Variants in ZNF575 observed in about 807,000 individuals in gnomAD.
ZNF575 encodes zinc finger protein 575.
A neutral mutation model predicts 17.5 loss-of-function variants in ZNF575; 17 were observed. That is an observed-to-expected ratio of 0.97 (90% CI 0.66 to 1.45). The LOEUF (loss-of-function observed/expected upper bound fraction) is 1.45, where lower values mean the gene tolerates loss of function less well. ZNF575 is among the 40% of genes most tolerant of loss of function. ZNF575 has a pLI of 0.00. For synonymous variants in ZNF575, 146 were observed against 158.3 expected (o/e 0.92, Z 0.58); for missense variants, 352 against 359.2 (o/e 0.98, Z 0.16).
Position 43,535,844 on chromosome 19 carries a change from G to A in ZNF575, c.*157G>A. On this transcript the variant is annotated 3_prime_UTR_variant, in exon 4 of 4. Transcript: ENST00000314228. The stretch of plus-strand genomic sequence containing the variant: ...ATACTGGGCTCGAGCTCAGAAGCCC[G>A]AGGAACTCTTTGCTCCCCTGCTTTG... The A allele has an allele frequency of 2.4e-6, 2 of 832,230 alleles. No individual in the cohort carries two copies. Among genetic ancestry groups the A allele is most frequent in the Admixed American group, 2.9e-5 (1 of 34,208 alleles). 51.6% of individuals were successfully genotyped at this position (832,230 alleles called of 1,614,324 possible). A position where few individuals can be genotyped will look rare whatever the true frequency, so the allele number is the denominator to read the frequency against.
At chr19:43,534,783 C>G (rs1972390817) in intron 3 of ZNF575, among the ~76,000 whole-genome samples, 1 of 152,030 alleles carries the variant, frequency 6.6e-6, no homozygotes, top group Non-Finnish European at 1.5e-5. Context: ...AAACGGATAC[C>G]TTGGTAGCTT....
chr19:43,534,933 G>A, intron 3 of ZNF575, 96 bp from the exon 4 acceptor site: 2 of 1,201,768 alleles, frequency 1.7e-6, no homozygotes, highest in South Asian at 3.8e-5. Flanking sequence ...AGGTACACTT[G>A]GAGGAGCCCC....
In ZNF575 at chr19:43,535,789, G is replaced by A; in HGVS notation, c.*102G>A. ...TGAGCTCGCCTCTTCCAGATAGCTG[G>A]CAGAGGGCAGGGCAAGGGATTGGCC... On this transcript the variant is annotated 3_prime_UTR_variant, in exon 4 of 4. Coordinates refer to ENST00000314228, the MANE Select transcript of ZNF575 (RefSeq NM_174945.3). 1 of 1,362,844 alleles carries A rather than the reference G, an allele frequency of 7.3e-7. No homozygotes were observed. The allele number at this position is 1,362,844 out of a possible 1,614,324, so 84.4% of individuals were successfully genotyped here. A position where few individuals can be genotyped will look rare whatever the true frequency, so the allele number is the denominator to read the frequency against.
chr19:43,533,132 C>A (rs780014731), upstream of ZNF575: 1 of 152,266 alleles, frequency 6.6e-6, no homozygotes, highest in Admixed American at 6.5e-5. Context: ...ACATGCTTGA[C>A]TCCAGTCAGC....
upstream of ZNF575, among the ~76,000 whole-genome samples, chr19:43,532,091 T>C (rs1972352552): frequency 6.6e-6 from 1 of 151,892 alleles, no homozygotes; most frequent in Middle Eastern, 3.2e-3. Flanking sequence ...TGCAGTGGCT[T>C]GATCTTGGCT....
At position 43,535,457 on chromosome 19, in the gene ZNF575, C is replaced by T. The variant is rs1166126521; in HGVS notation, c.508C>T (p.His170Tyr). 1 of 1,612,820 alleles carries T rather than the reference C, an allele frequency of 6.2e-7. No homozygotes were observed. Reference sequence around the variant, plus strand: ...GCTGGCGGCCCACCGCCACACGCACCACGCCACCGACGCCCGCCCCTATCC... The same window carrying T: ...GCTGGCGGCCCACCGCCACACGCACTACGCCACCGACGCCCGCCCCTATCC... ...SKLAAHRHTH[H>Y]ATDARPYPCP... Residue 170 changes from histidine to tyrosine, a missense_variant, in exon 4 of 4, where the codon CAC becomes TAC. Coordinates refer to ENST00000314228, the MANE Select transcript of ZNF575 (RefSeq NM_174945.3).
chr19:43,531,961 T>A (rs1972350544), upstream of ZNF575: 1 of 503,060 alleles, frequency 2.0e-6, no homozygotes, highest in Admixed American at 3.8e-5. Flanking sequence ...TTTTTTTTTT[T>A]TTTTTTTTAA....
chr19:43,535,045 A>C lies in ZNF575; in HGVS notation c.96A>C (p.Pro32=). ...GTCCCCCAGCTCCCCACCAGGGCCC[A>C]CCGCAGAAGCCCAGCCAGTCAGCTC... The part of the protein sequence containing the change: ...PVTKEAPHQG[P]PQKPSQSAPG... Residue 32 remains proline (P), a synonymous_variant, in exon 4 of 4, where the codon CCA becomes CCC. Transcript: ENST00000314228. 1 of 1,471,540 alleles carries C rather than the reference A, an allele frequency of 6.8e-7. No individual in the cohort carries two copies. Among genetic ancestry groups the C allele is most frequent in the South Asian group, 1.3e-5 (1 of 75,254 alleles). The allele number at this position is 1,471,540 out of a possible 1,614,324, so 91.2% of individuals were successfully genotyped here.
At chr19:43,531,247 C>T (rs139609299), upstream of ZNF575, among the ~76,000 whole-genome samples, 494 of 151,978 alleles carry the variant, frequency 3.3e-3, 2 homozygotes, top group Non-Finnish European at 5.5e-3. Context: ...GCTGATATCT[C>T]GCCACTGCAC....
chr19:43,535,059 G>C lies in ZNF575; in HGVS notation c.110G>C (p.Ser37Thr). ...APHQGPPQKP[S>T]QSAPGPTASA... ...CACCAGGGCCCACCGCAGAAGCCCAGCCAGTCAGCTCCAGGGCCCACCGCG... is the reference window on the plus strand; with the variant it reads ...CACCAGGGCCCACCGCAGAAGCCCACCCAGTCAGCTCCAGGGCCCACCGCG... The change falls in exon 4 of 4, where the codon AGC becomes ACC. Residue 37 changes from serine to threonine, a missense_variant. Physicochemically the swap from Ser to Thr is moderately conservative, Grantham distance 58. Coordinates refer to ENST00000314228, the MANE Select transcript of ZNF575 (RefSeq NM_174945.3). 6.7e-7 allele frequency: 1 copy of C among 1,487,592 alleles called. No individual in the cohort carries two copies. The highest frequency in any genetic ancestry group is 8.9e-7 in the Non-Finnish European group (1 of 1,128,918). 92.1% of individuals were successfully genotyped at this position (1,487,592 alleles called of 1,614,324 possible).
chr19:43,531,942 C>CTTTTTT (rs869122064), upstream of ZNF575: 419 of 107,254 alleles, frequency 3.9e-3, 28 homozygotes, highest in Non-Finnish European at 5.2e-3. Context: ...TTAAGCCAGA[C>CTTTTTT]TTTTTTTTTT....
At position 43,535,397 on chromosome 19, in the gene ZNF575, C is replaced by A. The variant is rs1320340881; in HGVS notation, c.448C>A (p.Pro150Thr). The A allele has an allele frequency of 1.9e-6, 3 of 1,586,722 alleles. No homozygotes were observed. The highest frequency in any genetic ancestry group is 2.6e-6 in the Non-Finnish European group (3 of 1,160,974). Residue 150 changes from proline to threonine, a missense_variant, in exon 4 of 4, where the codon CCC (proline) becomes ACC (threonine). Pro to Thr is a conservative substitution (Grantham distance 38). Coordinates refer to ENST00000314228, the MANE Select transcript of ZNF575 (RefSeq NM_174945.3). ...CGCACCCACCCGCCCCTACCCGTGC[C>A]CCGACTGCCCCAAGTCCTTCTGCTA... ...THAPTRPYPC[P>T]DCPKSFCYPS... is the part of the protein sequence containing the mutation.
chr19:43,531,235 G>A (rs948941222), upstream of ZNF575, among the ~76,000 whole-genome samples: 1 of 152,064 alleles, frequency 6.6e-6, no homozygotes, highest in African/African-American at 2.4e-5. Context: ...AGGTTACAGT[G>A]GGCTGATATC....
Position 43,536,075 on chromosome 19 carries a change from A to C in ZNF575, c.*388A>C. ...TATCTAAGAAATTGAAAATACATAC[A>C]TGCTTGTCTCAACTCTTCCACTTGT... On this transcript the variant is annotated 3_prime_UTR_variant, in exon 4 of 4. Coordinates refer to ENST00000314228, the MANE Select transcript of ZNF575 (RefSeq NM_174945.3). 2.7e-5 allele frequency: 6 copies of C among 224,040 alleles called. No individual in the cohort carries two copies. The highest frequency in any genetic ancestry group is 1.1e-4 in the East Asian group (1 of 9,492). 13.9% of individuals were successfully genotyped at this position (224,040 alleles called of 1,614,324 possible). A position where few individuals can be genotyped will look rare whatever the true frequency, so the allele number is the denominator to read the frequency against.
Position 43,535,048 on chromosome 19 carries a change from G to A in ZNF575, c.99G>A (p.Pro33=), listed in dbSNP as rs2146032858. 3 of 1,476,206 alleles carry A rather than the reference G, an allele frequency of 2.0e-6. No individual in the cohort carries two copies. The highest frequency in any genetic ancestry group is 2.7e-5 in the East Asian group (1 of 36,760). 91.4% of individuals were successfully genotyped at this position (1,476,206 alleles called of 1,614,324 possible). Residue 33 remains proline, a synonymous_variant, in exon 4 of 4, where the codon CCG becomes CCA. Coordinates refer to ENST00000314228, the MANE Select transcript of ZNF575 (RefSeq NM_174945.3). ...VTKEAPHQGP[P]QKPSQSAPGP... is the part of the protein sequence containing the mutation. Reference sequence around the variant, plus strand: ...CCCCAGCTCCCCACCAGGGCCCACCGCAGAAGCCCAGCCAGTCAGCTCCAG... The same window carrying A: ...CCCCAGCTCCCCACCAGGGCCCACCACAGAAGCCCAGCCAGTCAGCTCCAG...
At chr19:43,531,581 CAA>C (rs869170364), upstream of ZNF575, among the ~76,000 whole-genome samples, 3 of 145,078 alleles carry the variant, frequency 2.1e-5, no homozygotes, top group Non-Finnish European at 3.1e-5. Context: ...GATTCCATCT[CAA>C]AAAAAAGAGA....
rs1555767174 is a variant in ZNF575, at chr19:43,535,633, G to C, written c.684G>C (p.Leu228=). 15 of 1,613,294 alleles carry C rather than the reference G, an allele frequency of 9.3e-6. No homozygotes were observed. In the South Asian group the frequency reaches 1.6e-4, roughly 18 times the overall value. The part of the protein sequence containing the change: ...CGQAFGQRRL[L]LLHQRSHHQV... Reference sequence around the variant, plus strand: ...AGGCCTTTGGCCAGAGACGCTTACTGCTCCTTCATCAACGCAGCCACCACC... The same window carrying C: ...AGGCCTTTGGCCAGAGACGCTTACTCCTCCTTCATCAACGCAGCCACCACC... Residue 228 remains leucine, a synonymous_variant, in exon 4 of 4, where the codon CTG becomes CTC. Transcript: ENST00000314228.
chr19:43,531,538 C>T (rs1216963159), upstream of ZNF575, among the ~76,000 whole-genome samples: 3 of 152,052 alleles, frequency 2.0e-5, no homozygotes, highest in African/African-American at 7.3e-5. Flanking sequence ...GCCAAGATTG[C>T]GCCACTGCAC....
chr19:43,535,499 A>G lies in ZNF575; in HGVS notation c.550A>G (p.Lys184Glu), dbSNP rs1972406433. 3 of 1,611,142 alleles carry G rather than the reference A, an allele frequency of 1.9e-6. No homozygotes were observed. The highest frequency in any genetic ancestry group is 2.5e-6 in the Non-Finnish European group (3 of 1,179,414). Residue 184 changes from lysine (K) to glutamate (E), a missense_variant, in exon 4 of 4, where the codon AAG becomes GAG. By Grantham distance (56) the Lys-to-Glu change is moderately conservative (BLOSUM62 1). Transcript: ENST00000314228. ...CCCCTATCCTTGCCCGCATTGCCCC[A>G]AGGCTTTCTCATTTCCCTCCAAGCT... Reference protein sequence around the residue: ...ARPYPCPHCPKAFSFPSKLAA... With the variant: ...ARPYPCPHCPEAFSFPSKLAA...
Sources: gnomAD v4.1 joint callset for allele counts (sites outside exome capture counted in the v4.1 genomes callset) on GRCh38, gnomAD v4.1.1 for gene constraint, MANE v1.5 for transcripts, NCBI Gene and HGNC (gene_info 2026-07-23, HGNC 2026-07-21) for gene names.